Variants in COTL1 observed in about 807,000 individuals in gnomAD.
COTL1 encodes coactosin-like protein.
A neutral mutation model predicts 16.5 loss-of-function variants in COTL1; 15 were observed. That is an observed-to-expected ratio of 0.91 (90% confidence interval 0.61 to 1.40). The LOEUF (loss-of-function observed/expected upper bound fraction) is 1.40, where lower values mean the gene tolerates loss of function less well. Ranked by LOEUF, COTL1 falls within the 40% of genes most tolerant of loss-of-function variation. The pLI is 0.00. For missense variants in COTL1, 220 were observed against 201.5 expected (o/e 1.09, Z -0.56); for synonymous variants, 112 against 85.3 (o/e 1.31, Z -1.73).
At chr16:84,610,830 T>A (rs1301001118) in intron 2 of COTL1, among the ~76,000 whole-genome samples, 2 of 151,430 alleles carry the variant, frequency 1.3e-5, no homozygotes, top group African/African-American at 2.4e-5. Flanking sequence ...ACCCAGACCA[T>A]CATCCAACAA....
At chr16:84,569,587 T>C (rs889584074) in intron 3 of COTL1, among the ~76,000 whole-genome samples, 1 of 152,112 alleles carries the variant, frequency 6.6e-6, no homozygotes, top group Non-Finnish European at 1.5e-5. Flanking sequence ...CAGCCCTCAG[T>C]ATATTAACTT....
At chr16:84,588,151 G>C (rs1191953462) in intron 3 of COTL1, among the ~76,000 whole-genome samples, 5 of 152,054 alleles carry the variant, frequency 3.3e-5, no homozygotes, top group Admixed American at 3.3e-4. Flanking sequence ...GGAGGCTGAG[G>C]TGTAGGAATG....
At position 84,566,198 on chromosome 16, in the gene COTL1, G is replaced by A. The variant is rs992960256; in HGVS notation, c.*647C>T. The stretch of plus-strand genomic sequence containing the variant: ...GGCAAATTTTATCTCTTCTTATTCA[G>A]TCTGAGCCGGACCTAACCTTCTCAC... On this transcript the variant is annotated 3_prime_UTR_variant, in exon 4 of 4. Transcript: ENST00000262428. The A allele has an allele frequency of 1.3e-5, 2 of 152,718 alleles. No individual in the cohort carries two copies. The highest frequency in any genetic ancestry group is 3.8e-4 in the East Asian group (2 of 5,202). 9.5% of individuals were successfully genotyped at this position (152,718 alleles called of 1,614,324 possible).
chr16:84,579,300 C>T (rs771150900), intron 3 of COTL1, among the ~76,000 whole-genome samples: 1 of 152,230 alleles, frequency 6.6e-6, no homozygotes, highest in Non-Finnish European at 1.5e-5. Flanking sequence ...AGTTCGCGAC[C>T]AGTCTGGCCA....
intron 2 of COTL1, among the ~76,000 whole-genome samples, chr16:84,604,917 T>C (rs1033293417): frequency 5.9e-5 from 9 of 152,238 alleles, no homozygotes; most frequent in Admixed American, 5.9e-4. Context: ...GGGAGAAAAG[T>C]GCTTCCGGGT....
intron 3 of COTL1, among the ~76,000 whole-genome samples, chr16:84,579,945 G>A (rs950838501): frequency 5.3e-5 from 8 of 152,228 alleles, no homozygotes; most frequent in Non-Finnish European, 8.8e-5. Context: ...CATTTCTTCA[G>A]GTTAAGACCT....
intron 3 of COTL1, among the ~76,000 whole-genome samples, chr16:84,589,559 C>T (rs976875565): frequency 6.6e-6 from 1 of 151,862 alleles, no homozygotes; most frequent in African/African-American, 2.4e-5. Context: ...TACCCTACCC[C>T]GGGGTTACCT....
At chr16:84,601,418 AG>A (rs1905103952) in intron 2 of COTL1, among the ~76,000 whole-genome samples, 1 of 152,312 alleles carries the variant, frequency 6.6e-6, no homozygotes, top group East Asian at 1.9e-4. Flanking sequence ...AGCTGTGACC[AG>A]GACTGGCTTT....
At chr16:84,592,703 A>G (rs1904900288) in intron 2 of COTL1, among the ~76,000 whole-genome samples, 1 of 152,134 alleles carries the variant, frequency 6.6e-6, no homozygotes, top group African/African-American at 2.4e-5. Flanking sequence ...CCAAGGACAC[A>G]AACCACCTGT....
At chr16:84,612,460 A>C (rs999738594) in intron 2 of COTL1, among the ~76,000 whole-genome samples, 1 of 152,100 alleles carries the variant, frequency 6.6e-6, no homozygotes, top group African/African-American at 2.4e-5. Flanking sequence ...GGAAAGCATA[A>C]TGCCTCTACG....
In COTL1 at chr16:84,590,044, T is replaced by G. The variant is rs1904822600; in HGVS notation, c.318+61A>C. On this transcript the variant is annotated intron_variant, in intron 3 of 3. Transcript: ENST00000262428. The surrounding 1 kb of genome is among the most constrained non-coding windows in gnomAD (Gnocchi z 5.5). ...CAGGAGTCGAACCCAGCCCTCTCCC[T>G]CCTTGCAGGATGGTGACCCTTGGCG... is the stretch of plus-strand genomic sequence containing the variant. The G allele has an allele frequency of 7.1e-6, 11 of 1,545,374 alleles. No individual in the cohort carries two copies. The highest frequency in any genetic ancestry group is 9.7e-6 in the Non-Finnish European group (11 of 1,134,086).
intron 2 of COTL1, among the ~76,000 whole-genome samples, chr16:84,591,634 T>TAAAAAAAAAAAA (rs372775821): frequency 2.7e-5 from 2 of 75,196 alleles, no homozygotes; most frequent in African/African-American, 1.0e-4. Flanking sequence ...ATCACCTCTC[T>TAAAAAAAAAAAA]AAAAAAAAAA....
chr16:84,604,194 G>A (rs1402060937), intron 2 of COTL1, among the ~76,000 whole-genome samples: 2 of 34,364 alleles, frequency 5.8e-5, no homozygotes, highest in Non-Finnish European at 1.1e-4. Context: ...CAACCCCTGC[G>A]CTCCCCATCC....
rs545519250 is a variant in COTL1 at position 84,598,504 on chromosome 16, T to A, written c.161-8242A>T. On this transcript the variant is annotated intron_variant, in intron 2 of 3. Coordinates refer to ENST00000262428, the MANE Select transcript of COTL1 (RefSeq NM_021149.5). ...TACCGCCTGGCGCAGAGCTGTGAAC[T>A]CAGCAGCCGGCCCTGGTGGCTGTTA... Among the ~76,000 whole-genome samples the A allele has an allele frequency of 6.6e-5, 10 of 152,250 alleles. No homozygotes were observed. In the South Asian group the frequency reaches 2.1e-3, roughly 32 times the overall value.
chr16:84,570,508 A>G (rs1904321588), intron 3 of COTL1, among the ~76,000 whole-genome samples: 1 of 151,808 alleles, frequency 6.6e-6, no homozygotes, highest in African/African-American at 2.4e-5. Context: ...CAAACCTTGT[A>G]CTACATACCA....
rs2914828 is a variant in COTL1, at chr16:84,581,649, G to C, written c.318+8456C>G. On this transcript the variant is annotated intron_variant, in intron 3 of 3. Transcript: ENST00000262428. Reference sequence around the variant, plus strand: ...CTCCGGAGTAGCTGGGATTACAGGCGTGTGCCACTATGCCCAGCCTAATTT... The same window carrying C: ...CTCCGGAGTAGCTGGGATTACAGGCCTGTGCCACTATGCCCAGCCTAATTT... Among the ~76,000 whole-genome samples the C allele has an allele frequency of 1.7e-4, 26 of 151,852 alleles. No individual in the cohort carries two copies. In the Middle Eastern group the frequency reaches 0.01, roughly 60 times the overall value.
At chr16:84,568,831 T>C (rs1341832326) in intron 3 of COTL1, 1 of 152,218 alleles carries the variant, frequency 6.6e-6, no homozygotes, top group East Asian at 1.9e-4. Flanking sequence ...ATTTCCATTT[T>C]AAAGGTGAGG....
At chr16:84,603,367 C>T (rs9934549) in intron 2 of COTL1, among the ~76,000 whole-genome samples, 10,398 of 150,468 alleles carry the variant, frequency 0.069, 669 homozygotes, top group African/African-American at 0.17. Flanking sequence ...CAGGGCTCTG[C>T]GCCAGGCTCT....
At chr16:84,593,938 T>C (rs2925060) in intron 2 of COTL1, among the ~76,000 whole-genome samples, 85,972 of 151,968 alleles carry the variant, frequency 0.57, 24,706 homozygotes, top group African/African-American at 0.65. Flanking sequence ...CTCCACCCCA[T>C]TCCCCCAGGC....
Sources: allele counts gnomAD v4.1 joint callset (sites outside exome capture counted in the v4.1 genomes callset), GRCh38; gene constraint gnomAD v4.1.1; non-coding constraint Gnocchi (gnomAD v3.1); transcripts MANE v1.5; gene names NCBI Gene and HGNC (gene_info 2026-07-23, HGNC 2026-07-21).